Variants in MGA observed in about 807,000 individuals in gnomAD.
The protein encoded by MGA is MAX dimerization protein MGA, also known as MAX gene-associated protein.
MGA carries 40 observed loss-of-function variants against 261.1 expected under a neutral mutation model. That is an observed-to-expected ratio of 0.15 (90% CI 0.12 to 0.20). MGA has a LOEUF of 0.20. Ranked by LOEUF, MGA falls within the 10% of genes least tolerant of loss-of-function variation. The pLI is 1.00. For synonymous variants in MGA, 1,302 were observed against 1,290.6 expected (o/e 1.01, Z -0.19); for missense variants, 3,397 against 3,630.5 (o/e 0.94, Z 1.65).
intron 9 of MGA, chr15:41,718,301 G>GTATATATA (rs57814590): frequency 1.2e-4 from 23 of 193,542 alleles, no homozygotes; most frequent in African/African-American, 2.5e-4. Context: ...GTGTGTGTGT[G>GTATATATA]TATATATATA....
Position 41,708,208 on chromosome 15 carries a change from G to T in MGA, c.2425G>T (p.Gly809Cys). 6.4e-7 allele frequency: 1 copy of T among 1,560,108 alleles called. No individual in the cohort carries two copies. The highest frequency in any genetic ancestry group is 1.2e-5 in the South Asian group (1 of 82,692). ...TAGTGCTTCTGCATCTAGGAATGAA[G>T]GTAATTAGTTTTTTAAAATTTTTTA... The change falls in exon 7 of 24, where the codon GGT (glycine) becomes TGT (cysteine). Residue 809 changes from glycine (G) to cysteine (C), a missense_variant and splice_region_variant. Gly to Cys is a radical substitution (Grantham distance 159). Coordinates refer to ENST00000219905, the MANE Select transcript of MGA (RefSeq NM_001164273.2).
rs755343427 is a variant in MGA at position 41,766,441 on chromosome 15, A to G, written c.8359A>G (p.Ser2787Gly). The G allele has an allele frequency of 5.0e-6, 8 of 1,613,884 alleles. No homozygotes were observed. The highest frequency in any genetic ancestry group is 5.9e-6 in the Non-Finnish European group (7 of 1,179,876). ...AAAGATGAAAGATCTCAAGGACTCA[A>G]GCATAGAGATGGAACTGAGGAAAGT... is the stretch of plus-strand genomic sequence containing the variant. Residue 2787 changes from serine to glycine, a missense_variant, in exon 24 of 24, where the codon AGC becomes GGC. By Grantham distance (56) the Ser-to-Gly change is moderately conservative. Transcript: ENST00000219905.
At chr15:41,730,759 G>A (rs1230012662) in intron 11 of MGA, among the ~76,000 whole-genome samples, 2 of 152,132 alleles carry the variant, frequency 1.3e-5, no homozygotes, top group African/African-American at 4.8e-5. Context: ...GCATAATCTT[G>A]TGTGGTAAGT....
At chr15:41,746,722 T>A (rs1172216645) in intron 15 of MGA, among the ~76,000 whole-genome samples, 1 of 152,006 alleles carries the variant, frequency 6.6e-6, no homozygotes, top group Non-Finnish European at 1.5e-5. Context: ...AATTTGATAT[T>A]TTTTTGTGTG....
chr15:41,714,751 C>G (rs2060543759), intron 9 of MGA, among the ~76,000 whole-genome samples: 1 of 152,176 alleles, frequency 6.6e-6, no homozygotes, highest in Non-Finnish European at 1.5e-5. Flanking sequence ...CCTTAGCCTC[C>G]CAAAGTGCTA....
Position 41,713,508 on chromosome 15 carries a change from T to C in MGA, c.3430+12T>C, listed in dbSNP as rs185079838. On this transcript the variant is annotated intron_variant, in intron 9 of 23. Coordinates refer to ENST00000219905, the MANE Select transcript of MGA (RefSeq NM_001164273.2). ...GAAGCTAGAATACAGTGAGTATTAA[T>C]TGAGAGTTAAAACTGTGCCATATCA... 1.6e-5 allele frequency: 25 copies of C among 1,526,788 alleles called. No individual in the cohort carries two copies. In the Admixed American group the frequency reaches 2.5e-4, roughly 15 times the overall value. The allele number at this position is 1,526,788 out of a possible 1,614,324, so 94.6% of individuals were successfully genotyped here.
intron 15 of MGA, among the ~76,000 whole-genome samples, chr15:41,747,566 C>CA (rs1203197778): frequency 3.4e-3 from 404 of 117,702 alleles, no homozygotes; most frequent in Middle Eastern, 8.1e-3. Flanking sequence ...TCCATCTCCA[C>CA]AAAAAAAAAA....
At chr15:41,625,524 G>C (rs1329207611) in intron 1 of MGA, among the ~76,000 whole-genome samples, 1 of 151,662 alleles carries the variant, frequency 6.6e-6, no homozygotes, top group Non-Finnish European at 1.5e-5. Context: ...GACCAGCCTG[G>C]TCAACACAGC....
rs1300464257 is a variant in MGA, at chr15:41,696,496, A to G, written c.1486A>G (p.Lys496Glu). 6.2e-7 allele frequency: 1 copy of G among 1,614,034 alleles called. No homozygotes were observed. The change falls in exon 3 of 24, where the codon AAG becomes GAG. Residue 496 changes from lysine to glutamate, a missense_variant. Lys to Glu is a moderately conservative substitution (Grantham distance 56, BLOSUM62 1). This residue lies in a region of MGA where 563 missense variants were observed against 563.6 expected (regional missense o/e 1.00). Coordinates refer to ENST00000219905, the MANE Select transcript of MGA (RefSeq NM_001164273.2). ...CGATAACATGCTTTCCACATCTCGA[A>G]AGGATAAATCTTCTATGTTGGCAGA... is the stretch of plus-strand genomic sequence containing the variant.
upstream of MGA, among the ~76,000 whole-genome samples, chr15:41,656,288 G>C (rs11634840): frequency 0.71 from 105,341 of 149,356 alleles, 39,348 homozygotes; most frequent in East Asian, 0.89. Context: ...ATGTGGGCTT[G>C]AGATGTGGGG....
At chr15:41,656,571 G>C (rs2057203416), upstream of MGA, among the ~76,000 whole-genome samples, 1 of 151,088 alleles carries the variant, frequency 6.6e-6, no homozygotes, top group South Asian at 2.1e-4. Flanking sequence ...TGTTGCCCAG[G>C]CTGCTCTCAA....
In MGA at chr15:41,669,172, C is replaced by T; in HGVS notation, c.278C>T (p.Thr93Ile). The change falls in exon 2 of 24, where the codon ACA (threonine) becomes ATA (isoleucine). Residue 93 changes from threonine to isoleucine, a missense_variant. By Grantham distance (89) the Thr-to-Ile change is moderately conservative. This residue lies in a region of MGA where 104 missense variants were observed against 212.9 expected (regional missense o/e 0.49). Transcript: ENST00000219905. ...TGGAATGAGTTCTATCATCGAAGCA[C>T]AGAGATGATTCTGACCAAGCAAGGA... The T allele has an allele frequency of 6.2e-7, 1 of 1,614,004 alleles. No homozygotes were observed. Among genetic ancestry groups the T allele is most frequent in the Non-Finnish European group, 8.5e-7 (1 of 1,179,874 alleles).
At chr15:41,628,547 G>C (rs1483583431) in intron 1 of MGA, among the ~76,000 whole-genome samples, 1 of 152,062 alleles carries the variant, frequency 6.6e-6, no homozygotes, top group Non-Finnish European at 1.5e-5. Flanking sequence ...AGAATTGGAA[G>C]TGGTGGGAAT....
chr15:41,739,135 AAAAG>A (rs964435645), intron 13 of MGA, among the ~76,000 whole-genome samples: 54 of 152,262 alleles, frequency 3.5e-4, no homozygotes, highest in African/African-American at 1.2e-3. Flanking sequence ...CTTTAAAAAA[AAAAG>A]AAAAGAAATC....
At chr15:41,733,697 A>G (rs1352777722) in intron 11 of MGA, among the ~76,000 whole-genome samples, 1 of 152,226 alleles carries the variant, frequency 6.6e-6, no homozygotes, top group African/African-American at 2.4e-5. Flanking sequence ...AGATATGTGC[A>G]TGTATGTATG....
chr15:41,756,980 G>GAGAT (rs1555438085), intron 18 of MGA, among the ~76,000 whole-genome samples: 2 of 149,812 alleles, frequency 1.3e-5, no homozygotes, highest in African/African-American at 2.4e-5. Flanking sequence ...TTTTTGTTTA[G>GAGAT]ATATATATAT....
chr15:41,685,430 T>G (rs1004559133), intron 2 of MGA, among the ~76,000 whole-genome samples: 7 of 152,206 alleles, frequency 4.6e-5, no homozygotes, highest in African/African-American at 1.7e-4. Context: ...TTATTTTGGT[T>G]GTCCTGGGTT....
intron 5 of MGA, among the ~76,000 whole-genome samples, chr15:41,702,009 C>T (rs2059879068): frequency 6.6e-6 from 1 of 151,904 alleles, no homozygotes; most frequent in African/African-American, 2.4e-5. Flanking sequence ...TTCTCCCCAA[C>T]CTTGGCTTCC....
Position 41,742,659 on chromosome 15 carries a change from A to G in MGA, c.4699A>G (p.Lys1567Glu). The G allele has an allele frequency of 6.2e-7, 1 of 1,613,920 alleles. No homozygotes were observed. The highest frequency in any genetic ancestry group is 8.5e-7 in the Non-Finnish European group (1 of 1,179,868). ...ACCCCAAACCCTGGCAGGGACACAG[A>G]AGTTCAGTATCAGACCTTCTCCAGT... is the stretch of plus-strand genomic sequence containing the variant. Residue 1567 changes from lysine to glutamate, a missense_variant, in exon 15 of 24, where the codon AAG (lysine) becomes GAG (glutamate). Coordinates refer to ENST00000219905, the MANE Select transcript of MGA (RefSeq NM_001164273.2).
Sources: gnomAD v4.1 joint callset for allele counts (sites outside exome capture counted in the v4.1 genomes callset) on GRCh38, gnomAD v4.1.1 for gene constraint, gnomAD v4.1.1 regional missense constraint, MANE v1.5 for transcripts, NCBI Gene and HGNC (gene_info 2026-07-23, HGNC 2026-07-21) for gene names.